TCF7L2: variants seen among roughly 807,000 people sequenced by gnomAD.
The protein encoded by TCF7L2 is transcription factor 7 like 2, also known as transcription factor 7-like 2.
Under a neutral mutation model 77.9 loss-of-function variants are expected in TCF7L2, and 23 were observed. The observed-to-expected ratio is 0.30, with a 90% CI of 0.21 to 0.42. The LOEUF (loss-of-function observed/expected upper bound fraction) is 0.42, where lower values mean the gene tolerates loss of function less well. Among genes scored for constraint, TCF7L2 ranks in the 10% least tolerant of loss-of-function variants. The pLI is 1.00. For synonymous variants in TCF7L2, 413 were observed against 340.2 expected (o/e 1.21, Z -2.36); for missense variants, 654 against 793.1 (o/e 0.82, Z 2.11).
chr10:113,053,119 A>G lies in TCF7L2; in HGVS notation c.552+12993A>G, dbSNP rs1207999664. Among the ~76,000 whole-genome samples, 3 of 152,168 alleles carry G rather than the reference A, an allele frequency of 2.0e-5. No homozygotes were observed. In the South Asian group the frequency reaches 6.2e-4, roughly 32 times the overall value. On this transcript the variant is annotated intron_variant, in intron 5 of 13. Coordinates refer to ENST00000627217, the MANE Select transcript of TCF7L2 (RefSeq NM_001146274.2). ...GTTAAGTTTTGGAACATAATTTGAAAAATGTAACCCATTGAGAGGCAGTAA... is the reference window on the plus strand; with the variant it reads ...GTTAAGTTTTGGAACATAATTTGAAGAATGTAACCCATTGAGAGGCAGTAA...
chr10:113,075,419 A>G (rs2058580287), intron 5 of TCF7L2, among the ~76,000 whole-genome samples: 2 of 151,982 alleles, frequency 1.3e-5, no homozygotes, highest in Non-Finnish European at 2.9e-5. Flanking sequence ...AGATCGTGCC[A>G]TTGCACTCCA....
chr10:113,082,768 C>T (rs1363595137), intron 5 of TCF7L2, among the ~76,000 whole-genome samples: 1 of 152,120 alleles, frequency 6.6e-6, no homozygotes, highest in East Asian at 1.9e-4. Flanking sequence ...AAACCCGCCC[C>T]TCTGTGTTCT....
chr10:112,964,931 T>C (rs2036388961), intron 4 of TCF7L2, among the ~76,000 whole-genome samples: 1 of 151,630 alleles, frequency 6.6e-6, no homozygotes, highest in South Asian at 2.1e-4. Context: ...TTGTTAAGAG[T>C]TTCTTGACCG....
intron 4 of TCF7L2, among the ~76,000 whole-genome samples, chr10:112,974,365 C>T (rs976405441): frequency 1.3e-5 from 2 of 152,206 alleles, no homozygotes; most frequent in Non-Finnish European, 2.9e-5. Context: ...GTCGTATCAG[C>T]CATACGTGTG....
chr10:113,126,752 C>G, intron 5 of TCF7L2: 1 of 985,596 alleles, frequency 1.0e-6, no homozygotes, highest in Non-Finnish European at 1.2e-6. Flanking sequence ...GGCGGCGGCG[C>G]GGGCTGCAGG....
intron 13 of TCF7L2, chr10:113,161,165 C>G (rs148779774): frequency 1.7e-4 from 39 of 229,680 alleles, no homozygotes; most frequent in African/African-American, 7.7e-4. Flanking sequence ...TTTCTTTTTC[C>G]TTTTTGGTTG....
chr10:113,151,049 T>C lies in TCF7L2; in HGVS notation c.927T>C (p.Ile309=), dbSNP rs2137127150. The C allele has an allele frequency of 6.2e-7, 1 of 1,614,148 alleles. No individual in the cohort carries two copies. Among genetic ancestry groups the C allele is most frequent in the South Asian group, 1.1e-5 (1 of 91,080 alleles). ...ATCATACGCTACACACGACGGGCAT[T>C]CCGCATCCGGCCATAGTCACACCAA... The change falls in exon 9 of 14, where the codon ATT becomes ATC. Residue 309 remains isoleucine (I), a synonymous_variant. Transcript: ENST00000627217. This position sits in a 1 kb window ranked among gnomAD's most constrained non-coding sequence, Gnocchi z 5.2.
chr10:113,077,427 G>A (rs1477175099), intron 5 of TCF7L2, among the ~76,000 whole-genome samples: 1 of 151,956 alleles, frequency 6.6e-6, no homozygotes, highest in Non-Finnish European at 1.5e-5. Flanking sequence ...AACCAATATC[G>A]CCATTGTAGA....
At chr10:113,023,886 T>C (rs1301714025) in intron 4 of TCF7L2, among the ~76,000 whole-genome samples, 4 of 151,780 alleles carry the variant, frequency 2.6e-5, no homozygotes, top group Admixed American at 2.6e-4. Flanking sequence ...GCCAGGTCTC[T>C]TGACCTTGTG....
chr10:113,141,035 G>T (rs756956945), intron 5 of TCF7L2, 149 bp from the exon 6 acceptor site: 6 of 890,078 alleles, frequency 6.7e-6, no homozygotes, highest in Middle Eastern at 2.3e-4. Flanking sequence ...CACATGGACT[G>T]GGGGGAGTAT....
chr10:112,964,489 C>G (rs563176215), intron 3 of TCF7L2, 67 bp from the exon 4 acceptor site: 4 of 1,480,142 alleles, frequency 2.7e-6, no homozygotes, highest in East Asian at 4.6e-5. Context: ...TATTCATAAA[C>G]TGCTTAAGAT....
intron 5 of TCF7L2, among the ~76,000 whole-genome samples, chr10:113,109,048 A>C (rs2062779771): frequency 6.6e-6 from 1 of 152,256 alleles, no homozygotes; most frequent in Admixed American, 6.5e-5. Flanking sequence ...CCCTGCCGAC[A>C]GTGTGTATAC....
chr10:113,048,615 G>A (rs1187237000), intron 5 of TCF7L2, among the ~76,000 whole-genome samples: 1 of 152,164 alleles, frequency 6.6e-6, no homozygotes, highest in Non-Finnish European at 1.5e-5. Context: ...GACACTGAAT[G>A]GTTTGCCAGT....
At chr10:113,165,027 G>A (rs1047233134) in intron 13 of TCF7L2, among the ~76,000 whole-genome samples, 3 of 151,962 alleles carry the variant, frequency 2.0e-5, no homozygotes, top group African/African-American at 7.3e-5. Context: ...TGGGGAAGGA[G>A]CTCTGTCTTT....
At chr10:113,117,794 C>CA (rs1372614632) in intron 5 of TCF7L2, among the ~76,000 whole-genome samples, 4 of 151,984 alleles carry the variant, frequency 2.6e-5, no homozygotes, top group South Asian at 2.1e-4. Flanking sequence ...GTCAAAAGAT[C>CA]AAAAAATCAA....
intron 5 of TCF7L2, among the ~76,000 whole-genome samples, chr10:113,050,731 C>T (rs975995728): frequency 7.2e-5 from 11 of 152,188 alleles, no homozygotes; most frequent in Non-Finnish European, 1.5e-4. Context: ...CAAGGCAAGA[C>T]ATTGTCAAAG....
intron 7 of TCF7L2, among the ~76,000 whole-genome samples, chr10:113,145,289 C>G (rs2069155842): frequency 6.6e-6 from 1 of 152,082 alleles, no homozygotes. Flanking sequence ...TCGAATAGTT[C>G]TCAGTGATCA....
At chr10:113,074,901 C>G (rs976941841) in intron 5 of TCF7L2, among the ~76,000 whole-genome samples, 1 of 152,192 alleles carries the variant, frequency 6.6e-6, no homozygotes, top group Non-Finnish European at 1.5e-5. Flanking sequence ...CAACCCCTCA[C>G]CCTCCCAAAG....
chr10:113,039,496 C>T (rs969231494), intron 4 of TCF7L2, among the ~76,000 whole-genome samples: 11 of 152,128 alleles, frequency 7.2e-5, no homozygotes, highest in Non-Finnish European at 1.0e-4. Flanking sequence ...GCATGCTCAC[C>T]GTACTCAAGT....
Sources: gnomAD v4.1 joint callset for allele counts (sites outside exome capture counted in the v4.1 genomes callset) on GRCh38, gnomAD v4.1.1 for gene constraint, Gnocchi (gnomAD v3.1) non-coding constraint, MANE v1.5 for transcripts, NCBI Gene and HGNC (gene_info 2026-07-23, HGNC 2026-07-21) for gene names.